Variants in HSPG2 observed in about 807,000 individuals in gnomAD.
HSPG2 encodes the protein basement membrane-specific heparan sulfate proteoglycan core protein.
A neutral mutation model predicts 526.6 loss-of-function variants in HSPG2; 278 were observed. The ratio of observed to expected loss-of-function variants is 0.53; its 90% CI spans 0.48 to 0.58. HSPG2 has a LOEUF of 0.58. Ranked by LOEUF, HSPG2 falls within the 20% of genes least tolerant of loss-of-function variation. The pLI, the probability that HSPG2 is intolerant of heterozygous loss-of-function variation, is 0.00. For missense variants in HSPG2, 5,354 were observed against 6,099.5 expected, an observed-to-expected ratio of 0.88 and a Z score of 4.07; for synonymous variants, 2,465 against 2,555.4, an observed-to-expected ratio of 0.96 and a Z score of 1.07.
chr1:21,823,238 T>A lies in HSPG2; in HGVS notation c.*78A>T, dbSNP rs552631601. 7.9e-7 allele frequency: 1 copy of A among 1,264,918 alleles called. No homozygotes were observed. The highest frequency in any genetic ancestry group is 1.0e-6 in the Non-Finnish European group (1 of 961,010). 78.4% of individuals were successfully genotyped at this position (1,264,918 alleles called of 1,614,324 possible). ...CGCCTCGGTTTCTTACAAAAATTCA[T>A]AATAATATTAATAATAATATACTCG... On this transcript the variant is annotated 3_prime_UTR_variant, in exon 97 of 97. Coordinates refer to ENST00000374695, the MANE Select transcript of HSPG2 (RefSeq NM_005529.7).
Position 21,854,644 on chromosome 1 carries a change from G to A in HSPG2, c.6255C>T (p.Tyr2085=), listed in dbSNP as rs1435423974. ...GGGGAGGCAGGCTACCCCCTCGCCT[G>A]TACCAGGTGACCTGGGCATGGGCTG... ...AGSAHAQVTW[Y]RRGGSLPPHT... Residue 2085 remains tyrosine (Y), a synonymous_variant, in exon 49 of 97, where the codon TAC becomes TAT. Transcript: ENST00000374695. 1 of 1,590,600 alleles carries A rather than the reference G, an allele frequency of 6.3e-7. No individual in the cohort carries two copies.
intron 44 of HSPG2, 69 bp downstream of exon 44, chr1:21,856,946 G>C: frequency 6.8e-7 from 1 of 1,472,576 alleles, no homozygotes; most frequent in Non-Finnish European, 9.5e-7. Flanking sequence ...ATGAAGAAAT[G>C]CTGTGCTAAT....
At chr1:21,897,409 G>C (rs1256190892) in intron 1 of HSPG2, among the ~76,000 whole-genome samples, 1 of 152,198 alleles carries the variant, frequency 6.6e-6, no homozygotes, top group South Asian at 2.1e-4. Context: ...CCAGAGCAAA[G>C]GCCAAGGAGG....
chr1:21,880,860 C>A, intron 14 of HSPG2, 25 bp from the exon 15 acceptor site: 1 of 1,573,996 alleles, frequency 6.4e-7, no homozygotes, highest in Non-Finnish European at 8.6e-7. Context: ...TGGATCAGCA[C>A]GGGCAGCTGT....
intron 63 of HSPG2, 23 bp from the exon 64 acceptor site, chr1:21,846,278 G>A: frequency 6.2e-7 from 1 of 1,612,874 alleles, no homozygotes; most frequent in Non-Finnish European, 8.5e-7. Flanking sequence ...CAGGACAGAG[G>A]AACAGAGTCA....
In HSPG2 at chr1:21,829,038, G is replaced by A. The variant is rs1293251861; in HGVS notation, c.12034C>T (p.Arg4012Cys). The A allele has an allele frequency of 7.1e-6, 11 of 1,549,924 alleles. No individual in the cohort carries two copies. The highest frequency in any genetic ancestry group is 1.4e-5 in the African/African-American group (1 of 73,186). Reference sequence around the variant, plus strand: ...CGCTCTGCAGACACACGGTGCCAGCGGCCCAGGGCCAGCGGCTCGGCGCTC... The same window carrying A: ...CGCTCTGCAGACACACGGTGCCAGCAGCCCAGGGCCAGCGGCTCGGCGCTC... The part of the protein sequence containing the change: ...LRSAEPLALG[R>C]WHRVSAERLN... The change falls in exon 88 of 97, where the codon CGC (arginine) becomes TGC (cysteine). Residue 4012 changes from arginine (R) to cysteine (C), a missense_variant. Transcript: ENST00000374695.
rs368020528 is a variant in HSPG2 at position 21,842,892 on chromosome 1, C to T, written c.8788G>A (p.Glu2930Lys). The T allele has an allele frequency of 4.3e-6, 7 of 1,613,876 alleles. No homozygotes were observed. The highest frequency in any genetic ancestry group is 2.7e-5 in the African/African-American group (2 of 74,852). Residue 2930 changes from glutamate to lysine, a missense_variant, in exon 67 of 97, where the codon GAG becomes AAG. By Grantham distance (56) the Glu-to-Lys change is moderately conservative. Transcript: ENST00000374695. ...APGLAQPIYIEASSSHVTEGQ... is the reference protein window; with the variant it reads ...APGLAQPIYIKASSSHVTEGQ... ...TCAGTCACGTGTGAAGAGGAGGCCTCGATGTAGATGGGCTGGGCCAGTCCT... is the reference window on the plus strand; with the variant it reads ...TCAGTCACGTGTGAAGAGGAGGCCTTGATGTAGATGGGCTGGGCCAGTCCT...
At position 21,872,256 on chromosome 1, in the gene HSPG2, A is replaced by G. The variant is rs1640707832; in HGVS notation, c.4151T>C (p.Phe1384Ser). 6.4e-7 allele frequency: 1 copy of G among 1,554,340 alleles called. No individual in the cohort carries two copies. The highest frequency in any genetic ancestry group is 8.7e-7 in the Non-Finnish European group (1 of 1,148,414). The change falls in exon 33 of 97, where the codon TTT becomes TCT. Residue 1384 changes from phenylalanine to serine, a missense_variant. Phe to Ser is a radical substitution (Grantham distance 155). Coordinates refer to ENST00000374695, the MANE Select transcript of HSPG2 (RefSeq NM_005529.7). The surrounding 1 kb of genome is among the most constrained non-coding windows in gnomAD (Gnocchi z 5.5). ...ATGGCCGAGTTGGGCAAAGTTGCCA[A>G]AAGAGAGCTGGGCACCCTCGGGCAC... ...EPVPEGAQLS[F>S]GNFAQLGHES...
rs1640125454 is a variant in HSPG2, at chr1:21,865,113, T to C, written c.4396-40A>G. ...GCAACGTGGGCGGGGGCAGTGGGCT[T>C]TGTGGGCTGCTCCTACAGTTACCAC... On this transcript the variant is annotated intron_variant, in intron 35 of 96. Transcript: ENST00000374695. The surrounding 1 kb of genome is among the most constrained non-coding windows in gnomAD (Gnocchi z 5.4). The C allele has an allele frequency of 6.5e-7, 1 of 1,546,618 alleles. No individual in the cohort carries two copies.
intron 37 of HSPG2, 119 bp from the exon 38 acceptor site, chr1:21,862,234 T>A: frequency 8.5e-7 from 1 of 1,182,062 alleles, no homozygotes; most frequent in Non-Finnish European, 1.2e-6. Context: ...AAAGAAAGAA[T>A]CATGGAAGGG....
At position 21,887,846 on chromosome 1, in the gene HSPG2, C is replaced by T. The variant is rs1422372454; in HGVS notation, c.703+92G>A. The T allele has an allele frequency of 6.2e-7, 1 of 1,600,346 alleles. No homozygotes were observed. Among genetic ancestry groups the T allele is most frequent in the Non-Finnish European group, 8.5e-7 (1 of 1,169,716 alleles). On this transcript the variant is annotated intron_variant, in intron 7 of 96. Coordinates refer to ENST00000374695, the MANE Select transcript of HSPG2 (RefSeq NM_005529.7). The surrounding 1 kb of genome is among the most constrained non-coding windows in gnomAD (Gnocchi z 5.0). ...CCCCATCCTCTGCCTGCACCAAACC[C>T]TCATAGTCCTTGATGGGCTCCAAGA...
rs146462440 is a variant in HSPG2 at position 21,854,286 on chromosome 1, C to T, written c.6346G>A (p.Val2116Met). The change falls in exon 50 of 97, where the codon GTG becomes ATG. Residue 2116 changes from valine to methionine, a missense_variant. By Grantham distance (21) the Val-to-Met change is conservative. Coordinates refer to ENST00000374695, the MANE Select transcript of HSPG2 (RefSeq NM_005529.7). Reference protein sequence around the residue: ...QVSPADSGEYVCRVENGSGPK... With the variant: ...QVSPADSGEYMCRVENGSGPK... ...CCCGATCCATTCTCCACACGGCACA[C>T]ATATTCTCCAGAATCAGCTGGTGAG... The T allele has an allele frequency of 1.5e-4, 230 of 1,576,252 alleles. No homozygotes were observed. Among genetic ancestry groups the T allele is most frequent in the Admixed American group, 1.5e-4 (8 of 53,894 alleles).
At position 21,839,257 on chromosome 1, in the gene HSPG2, C is replaced by G. The variant is rs986363048; in HGVS notation, c.9889+114G>C. ...TGTCGGGCAGGGCAGGCTCCAGGAC[C>G]CTGCAGCGCCTGGAGACCTCTGGAT... On this transcript the variant is annotated intron_variant, in intron 73 of 96. Transcript: ENST00000374695. The surrounding 1 kb of genome is among the most constrained non-coding windows in gnomAD (Gnocchi z 4.5). 3.4e-6 allele frequency: 5 copies of G among 1,460,230 alleles called. No individual in the cohort carries two copies. Among genetic ancestry groups the G allele is most frequent in the Non-Finnish European group, 3.8e-6 (4 of 1,056,100 alleles). The allele number at this position is 1,460,230 out of a possible 1,614,324, so 90.5% of individuals were successfully genotyped here.
At position 21,880,726 on chromosome 1, in the gene HSPG2, C is replaced by T. The variant is rs137856189; in HGVS notation, c.1928G>A (p.Arg643His). The T allele has an allele frequency of 3.2e-5, 51 of 1,600,910 alleles. 1 individual carries two copies. In the South Asian group the frequency reaches 4.4e-4, roughly 14 times the overall value. The change falls in exon 15 of 97, where the codon CGC becomes CAC. Residue 643 changes from arginine to histidine, a missense_variant. By Grantham distance (29) the Arg-to-His change is conservative. Transcript: ENST00000374695. Reference protein sequence around the residue: ...PDVVLMGAGYRLLSRGHTPTQ... With the variant: ...PDVVLMGAGYHLLSRGHTPTQ... ...GGGTGTGTGGCCTCGGGAGAGGAGGCGGTACCCGGCACCCATGAGGACCAC... is the reference window on the plus strand; with the variant it reads ...GGGTGTGTGGCCTCGGGAGAGGAGGTGGTACCCGGCACCCATGAGGACCAC...
chr1:21,828,354 C>T lies in HSPG2; in HGVS notation c.12310G>A (p.Asp4104Asn). ...LGSQGIGQCY[D>N]SSPCERQPCQ... ...GGCTGGCGCTCACATGGGGAGCTATCATAGCATTGCCCGATGCCCTGGCTG... is the reference window on the plus strand; with the variant it reads ...GGCTGGCGCTCACATGGGGAGCTATTATAGCATTGCCCGATGCCCTGGCTG... The change falls in exon 89 of 97, where the codon GAT becomes AAT. Residue 4104 changes from aspartate to asparagine, a missense_variant. Transcript: ENST00000374695. The surrounding 1 kb of genome is among the most constrained non-coding windows in gnomAD (Gnocchi z 6.0). 6.2e-7 allele frequency: 1 copy of T among 1,613,772 alleles called. No homozygotes were observed. The highest frequency in any genetic ancestry group is 8.5e-7 in the Non-Finnish European group (1 of 1,180,006).
At chr1:21,913,994 C>T (rs962126975) in intron 1 of HSPG2, among the ~76,000 whole-genome samples, 8 of 152,124 alleles carry the variant, frequency 5.3e-5, no homozygotes, top group Non-Finnish European at 8.8e-5. Context: ...AAATTTGTGG[C>T]GCTAAGCTGT....
In HSPG2 at chr1:21,822,489, T is replaced by C; in HGVS notation, c.*827A>G. ...TAGCTCTTCCTGAGCACCAGCGGCA[T>C]CCGTCCGTCCGTTGTCTGTTGGAGG... On this transcript the variant is annotated 3_prime_UTR_variant, in exon 97 of 97. Transcript: ENST00000374695. The C allele has an allele frequency of 2.7e-6, 1 of 370,184 alleles. No homozygotes were observed. The highest frequency in any genetic ancestry group is 8.2e-4 in the Middle Eastern group (1 of 1,222). The allele number at this position is 370,184 out of a possible 1,614,324, so 22.9% of individuals were successfully genotyped here. A position where few individuals can be genotyped will look rare whatever the true frequency, so the allele number is the denominator to read the frequency against.
In HSPG2 at chr1:21,828,431, G is replaced by C. The variant is rs1199074965; in HGVS notation, c.12238-5C>G. 2 of 1,612,994 alleles carry C rather than the reference G, an allele frequency of 1.2e-6. No homozygotes were observed. The highest frequency in any genetic ancestry group is 2.7e-5 in the African/African-American group (2 of 75,028). On this transcript the variant is annotated splice_region_variant and splice_polypyrimidine_tract_variant and intron_variant, in intron 88 of 96. Transcript: ENST00000374695. The surrounding 1 kb of genome is among the most constrained non-coding windows in gnomAD (Gnocchi z 6.0). ...CCGTTTGCCATTCACTGACACCTGT[G>C]GGGACAGGGACACCGAGGGACTAAA...
chr1:21,878,622 G>A lies in HSPG2; in HGVS notation c.2513C>T (p.Thr838Ile), dbSNP rs1641276475. Residue 838 changes from threonine to isoleucine, a missense_variant, in exon 19 of 97, where the codon ACA becomes ATA. Transcript: ENST00000374695. ...TCFLDTDGQA[T>I]CDACAPGYTG... ...GTAGCCTGGGGCACAGGCGTCACAT[G>A]TGGCTTGGCCATCCGTGTCCAGGAA... The A allele has an allele frequency of 6.2e-7, 1 of 1,614,178 alleles. No homozygotes were observed. The highest frequency in any genetic ancestry group is 8.5e-7 in the Non-Finnish European group (1 of 1,180,048).
Sources: gnomAD v4.1 joint callset for allele counts (sites outside exome capture counted in the v4.1 genomes callset) on GRCh38, gnomAD v4.1.1 for gene constraint, Gnocchi (gnomAD v3.1) non-coding constraint, MANE v1.5 for transcripts, NCBI Gene and HGNC (gene_info 2026-07-23, HGNC 2026-07-21) for gene names.